ACTL8: variants seen among roughly 807,000 people sequenced by gnomAD.
ACTL8 encodes the protein actin-like protein 8.
ACTL8 carries 3 observed loss-of-function variants against 9.3 expected under a neutral mutation model. The observed-to-expected ratio is 0.32, with a 90% CI of 0.15 to 0.83. ACTL8 has a LOEUF of 0.83. Ranked by LOEUF, ACTL8 falls within the 40% of genes least tolerant of loss-of-function variation. ACTL8 has a pLI of 0.57. For synonymous variants in ACTL8, 224 were observed against 205.9 expected (o/e 1.09, Z -0.75); for missense variants, 381 against 492.2 (o/e 0.77, Z 2.14).
In ACTL8 at chr1:17,823,404, G is replaced by T; in HGVS notation, c.348+48G>T. On this transcript the variant is annotated intron_variant, in intron 2 of 2. Coordinates refer to ENST00000375406, the MANE Select transcript of ACTL8 (RefSeq NM_030812.3). This position sits in a 1 kb window ranked among gnomAD's most constrained non-coding sequence, Gnocchi z 5.3. ...CCCACTCGGGAGCGGGAAACAGACT[G>T]ACACTATGTCTGGACTGATTGGGCA... 1 of 1,537,428 alleles carries T rather than the reference G, an allele frequency of 6.5e-7. No homozygotes were observed. Among genetic ancestry groups the T allele is most frequent in the South Asian group, 1.2e-5 (1 of 83,966 alleles).
chr1:17,776,842 C>T (rs950473691), intron 1 of ACTL8, among the ~76,000 whole-genome samples: 5 of 152,090 alleles, frequency 3.3e-5, no homozygotes, highest in African/African-American at 1.2e-4. Context: ...CTCTAGCTCC[C>T]AGGCAGGAGT....
At chr1:17,785,845 G>T (rs1479536969) in intron 1 of ACTL8, among the ~76,000 whole-genome samples, 1 of 152,148 alleles carries the variant, frequency 6.6e-6, no homozygotes, top group Non-Finnish European at 1.5e-5. Context: ...ATTTCCTTGG[G>T]TCGGGAGCCC....
chr1:17,760,905 A>G (rs1274340000), intron 1 of ACTL8, among the ~76,000 whole-genome samples: 1 of 152,230 alleles, frequency 6.6e-6, no homozygotes, highest in Non-Finnish European at 1.5e-5. Context: ...ATTACTGGCT[A>G]TAAAACCGAT....
At chr1:17,763,069 A>G (rs1277550620) in intron 1 of ACTL8, among the ~76,000 whole-genome samples, 1 of 152,122 alleles carries the variant, frequency 6.6e-6, no homozygotes, top group Non-Finnish European at 1.5e-5. Flanking sequence ...CCTTTGGGCC[A>G]GAGTAGCCTA....
chr1:17,792,495 A>G (rs1179607615), intron 1 of ACTL8, among the ~76,000 whole-genome samples: 1 of 152,222 alleles, frequency 6.6e-6, no homozygotes, highest in Non-Finnish European at 1.5e-5. Context: ...ATCACCATGC[A>G]TATAGACCAG....
chr1:17,775,006 G>A (rs2066109536), intron 1 of ACTL8, among the ~76,000 whole-genome samples: 1 of 152,164 alleles, frequency 6.6e-6, no homozygotes, highest in African/African-American at 2.4e-5. Flanking sequence ...AGGAGAGAGA[G>A]GCCTGGAGGT....
intron 1 of ACTL8, among the ~76,000 whole-genome samples, chr1:17,806,329 G>C (rs771608048): frequency 6.6e-6 from 1 of 152,192 alleles, no homozygotes; most frequent in Admixed American, 6.5e-5. Context: ...GTTAAGAAGA[G>C]GCATAATTAA....
At chr1:17,814,870 A>T (rs1410891244) in intron 1 of ACTL8, among the ~76,000 whole-genome samples, 1 of 152,232 alleles carries the variant, frequency 6.6e-6, no homozygotes, top group Non-Finnish European at 1.5e-5. Context: ...AATACATACC[A>T]TTATGTTACA....
At chr1:17,805,319 C>G (rs2066351360) in intron 1 of ACTL8, among the ~76,000 whole-genome samples, 1 of 146,702 alleles carries the variant, frequency 6.8e-6, no homozygotes, top group African/African-American at 2.5e-5. Context: ...CAAGTCTTGG[C>G]TTTATTTTTC....
Position 17,823,476 on chromosome 1 carries a change from C to A in ACTL8, c.348+120C>A. On this transcript the variant is annotated intron_variant, in intron 2 of 2. Coordinates refer to ENST00000375406, the MANE Select transcript of ACTL8 (RefSeq NM_030812.3). This position sits in a 1 kb window ranked among gnomAD's most constrained non-coding sequence, Gnocchi z 5.3. ...ATAAATTGCCAACCAGGTGTGGTGG[C>A]TTATGCCTGTAATCCCAACACTTTG... 1 of 982,948 alleles carries A rather than the reference C, an allele frequency of 1.0e-6. No homozygotes were observed. Among genetic ancestry groups the A allele is most frequent in the Non-Finnish European group, 1.5e-6 (1 of 682,146 alleles). The allele number at this position is 982,948 out of a possible 1,614,324, so 60.9% of individuals were successfully genotyped here.
chr1:17,809,734 G>A (rs2066381907), intron 1 of ACTL8, among the ~76,000 whole-genome samples: 2 of 151,820 alleles, frequency 1.3e-5, no homozygotes, highest in South Asian at 2.1e-4. Flanking sequence ...CTCCCAGATG[G>A]GACCATCTAG....
At chr1:17,756,490 TATTA>T (rs1420825402) in intron 1 of ACTL8, among the ~76,000 whole-genome samples, 1 of 152,328 alleles carries the variant, frequency 6.6e-6, no homozygotes, top group East Asian at 1.9e-4. Context: ...GCTGTTTCTG[TATTA>T]ATTATCGTTC....
At chr1:17,759,144 T>C (rs2065986218) in intron 1 of ACTL8, among the ~76,000 whole-genome samples, 1 of 152,234 alleles carries the variant, frequency 6.6e-6, no homozygotes, top group Non-Finnish European at 1.5e-5. Flanking sequence ...GTCAAAGAGA[T>C]GGGCTTTTCT....
intron 1 of ACTL8, among the ~76,000 whole-genome samples, chr1:17,788,976 C>T (rs2066218921): frequency 6.6e-6 from 1 of 152,216 alleles, no homozygotes; most frequent in South Asian, 2.1e-4. Flanking sequence ...CACGAATTTG[C>T]AGGAGAGTTT....
chr1:17,810,266 T>C (rs1034045921), intron 1 of ACTL8, among the ~76,000 whole-genome samples: 2 of 152,228 alleles, frequency 1.3e-5, no homozygotes, highest in African/African-American at 4.8e-5. Context: ...ATATCCATCA[T>C]ATATATTCAC....
chr1:17,772,140 A>G (rs1430669800), intron 1 of ACTL8, among the ~76,000 whole-genome samples: 1 of 152,170 alleles, frequency 6.6e-6, no homozygotes, highest in Non-Finnish European at 1.5e-5. Context: ...GTGTTCACCT[A>G]GTGTTTCTAG....
chr1:17,766,954 T>C (rs2066049046), intron 1 of ACTL8, among the ~76,000 whole-genome samples: 1 of 152,216 alleles, frequency 6.6e-6, no homozygotes, highest in South Asian at 2.1e-4. Context: ...GACAAAGTTT[T>C]GCCCCCGTGC....
At position 17,825,457 on chromosome 1, in the gene ACTL8, G is replaced by A. The variant is rs1013378662; in HGVS notation, c.349-310G>A. Among the ~76,000 whole-genome samples, 11 of 152,068 alleles carry A rather than the reference G, an allele frequency of 7.2e-5. No homozygotes were observed. In the East Asian group the frequency reaches 1.7e-3, roughly 24 times the overall value. On this transcript the variant is annotated intron_variant, in intron 2 of 2. Transcript: ENST00000375406. ...GCGGTTCAGGCTGCACATGTGACCCGTGGCCATGTTGCTCCTGCAGCCAGT... is the reference window on the plus strand; with the variant it reads ...GCGGTTCAGGCTGCACATGTGACCCATGGCCATGTTGCTCCTGCAGCCAGT...
intron 1 of ACTL8, among the ~76,000 whole-genome samples, chr1:17,763,900 G>A (rs1410992681): frequency 2.0e-5 from 3 of 152,276 alleles, no homozygotes; most frequent in Admixed American, 6.5e-5. Context: ...ATGCTTTACC[G>A]GCTGATGACT....
Sources: gnomAD v4.1 joint callset for allele counts (sites outside exome capture counted in the v4.1 genomes callset) on GRCh38, gnomAD v4.1.1 for gene constraint, Gnocchi (gnomAD v3.1) non-coding constraint, MANE v1.5 for transcripts, NCBI Gene and HGNC (gene_info 2026-07-23, HGNC 2026-07-21) for gene names.